POLR3B: variants seen among roughly 807,000 people sequenced by gnomAD.
POLR3B encodes RNA polymerase III subunit B, also known as DNA-directed RNA polymerase III subunit RPC2.
Under a neutral mutation model 147.4 loss-of-function variants are expected in POLR3B, and 96 were observed. The observed-to-expected ratio is 0.65, with a 90% CI of 0.55 to 0.77. The LOEUF is 0.77. Among genes scored for constraint, POLR3B ranks in the 30% least tolerant of loss-of-function variants. The pLI, the probability that POLR3B is intolerant of heterozygous loss-of-function variation, is 0.00. For missense variants in POLR3B, 1,036 were observed against 1,413.5 expected (o/e 0.73, Z 4.28); for synonymous variants, 461 against 485.9 (o/e 0.95, Z 0.67).
At chr12:106,376,877 A>G (rs1239455638) in intron 7 of POLR3B, among the ~76,000 whole-genome samples, 1 of 152,226 alleles carries the variant, frequency 6.6e-6, no homozygotes, top group African/African-American at 2.4e-5. Flanking sequence ...TGCTGGGATT[A>G]CAGGCGTGAA....
chr12:106,432,946 C>T (rs1408052909), intron 15 of POLR3B, among the ~76,000 whole-genome samples: 1 of 152,196 alleles, frequency 6.6e-6, no homozygotes, highest in African/African-American at 2.4e-5. Context: ...ATACCTCTTC[C>T]CGTCTCCTTC....
chr12:106,417,313 G>A (rs1165782350), intron 12 of POLR3B, among the ~76,000 whole-genome samples: 1 of 152,208 alleles, frequency 6.6e-6, no homozygotes, highest in Non-Finnish European at 1.5e-5. Context: ...GAGGGTCAGT[G>A]TGGCTGGAGT....
intron 11 of POLR3B, among the ~76,000 whole-genome samples, chr12:106,410,054 G>A (rs1282023377): frequency 6.6e-6 from 1 of 152,114 alleles, no homozygotes; most frequent in Non-Finnish European, 1.5e-5. Flanking sequence ...TCATTCATTC[G>A]GCAGTTATTT....
chr12:106,393,668 G>A (rs1319060344), intron 10 of POLR3B, among the ~76,000 whole-genome samples: 1 of 151,590 alleles, frequency 6.6e-6, no homozygotes, highest in Non-Finnish European at 1.5e-5. Context: ...CCCAGGATCA[G>A]TCCCTTTTAC....
chr12:106,509,698 A>G lies in POLR3B; in HGVS notation c.*149A>G, dbSNP rs989739455. On this transcript the variant is annotated 3_prime_UTR_variant, in exon 28 of 28. Coordinates refer to ENST00000228347, the MANE Select transcript of POLR3B (RefSeq NM_018082.6). ...CCAAAAAAAAATGGAGAGGCTTTTT[A>G]TATACTCTAAGACTGGCTAAACAAC... 1 of 697,824 alleles carries G rather than the reference A, an allele frequency of 1.4e-6. No homozygotes were observed. The highest frequency in any genetic ancestry group is 1.8e-5 in the African/African-American group (1 of 56,566). The allele number at this position is 697,824 out of a possible 1,614,324, so 43.2% of individuals were successfully genotyped here.
chr12:106,410,847 G>A lies in POLR3B; in HGVS notation c.988G>A (p.Ala330Thr). ...HVPVKEFNFRAKCIYTAVMVR... is the reference protein window; with the variant it reads ...HVPVKEFNFRTKCIYTAVMVR... ...ACAGGTTAAGGAATTCAATTTCCGA[G>A]CCAAATGTATCTATACTGCAGTGAT... Residue 330 changes from alanine to threonine, a missense_variant, in exon 12 of 28, where the codon GCC (alanine) becomes ACC (threonine). Ala to Thr is a moderately conservative substitution (Grantham distance 58, BLOSUM62 0). Around this residue, in one of 12 missense-constraint regions of POLR3B, gnomAD observed 217 missense variants for 288.7 expected, o/e 0.75. Transcript: ENST00000228347. 2 of 1,613,970 alleles carry A rather than the reference G, an allele frequency of 1.2e-6. No homozygotes were observed. The highest frequency in any genetic ancestry group is 1.1e-5 in the South Asian group (1 of 91,076).
intron 23 of POLR3B, among the ~76,000 whole-genome samples, chr12:106,472,501 T>G (rs2038107496): frequency 6.7e-6 from 1 of 150,346 alleles, no homozygotes; most frequent in Admixed American, 6.6e-5. Flanking sequence ...TGTTCCTATT[T>G]CTTCACATCC....
rs1420763793 is a variant in POLR3B, at chr12:106,425,654, A to G, written c.1102-1543A>G. ...GGTTTTCTCCTCACTGCAGCCTTTC[A>G]TGAGCACTCCACAGAAAGGAACTTG... On this transcript the variant is annotated intron_variant, in intron 12 of 27. Coordinates refer to ENST00000228347, the MANE Select transcript of POLR3B (RefSeq NM_018082.6). 2.0e-5 allele frequency among the ~76,000 whole-genome samples: 3 copies of G among 152,296 alleles called. No individual in the cohort carries two copies. In the East Asian group the frequency reaches 5.8e-4, roughly 29 times the overall value.
At chr12:106,371,882 A>G (rs1211569897) in intron 6 of POLR3B, among the ~76,000 whole-genome samples, 4 of 151,836 alleles carry the variant, frequency 2.6e-5, no homozygotes, top group Non-Finnish European at 4.4e-5. Flanking sequence ...TGGCACATGT[A>G]TACATATGTA....
At chr12:106,436,080 G>A (rs1271588671) in intron 16 of POLR3B, among the ~76,000 whole-genome samples, 1 of 152,140 alleles carries the variant, frequency 6.6e-6, no homozygotes, top group Non-Finnish European at 1.5e-5. Flanking sequence ...TCGAGGTACT[G>A]TGGATTTCCA....
rs373360026 is a variant in POLR3B, at chr12:106,383,492, T to G, written c.723+3353T>G. On this transcript the variant is annotated intron_variant, in intron 9 of 27. Transcript: ENST00000228347. ...TTTTACTTGCACACTTAAGAAGCCA[T>G]TCTTGGGTTATTAATTGACCTAATT... 1.1e-3 allele frequency among the ~76,000 whole-genome samples: 161 copies of G among 152,118 alleles called. 4 individuals are homozygous for G. In the East Asian group the frequency reaches 0.017, roughly 16 times the overall value.
In POLR3B at chr12:106,471,726, A is replaced by C. The variant is rs561612591; in HGVS notation, c.2713+8106A>C. Reference sequence around the variant, plus strand: ...TAGTTAATAGGTGAATTCACAATGTATATGAATGAATGAGTGAATGAAATT... The same window carrying C: ...TAGTTAATAGGTGAATTCACAATGTCTATGAATGAATGAGTGAATGAAATT... On this transcript the variant is annotated intron_variant, in intron 23 of 27. Coordinates refer to ENST00000228347, the MANE Select transcript of POLR3B (RefSeq NM_018082.6). Among the ~76,000 whole-genome samples, 3 of 152,276 alleles carry C rather than the reference A, an allele frequency of 2.0e-5. No individual in the cohort carries two copies. In the East Asian group the frequency reaches 5.8e-4, roughly 29 times the overall value.
chr12:106,447,326 C>T (rs1476181202), intron 19 of POLR3B, among the ~76,000 whole-genome samples: 4 of 152,132 alleles, frequency 2.6e-5, no homozygotes, highest in Non-Finnish European at 5.9e-5. Context: ...CCAAGGCCAG[C>T]ACAAACCACA....
At chr12:106,426,222 T>TTGTGTGTGTG (rs35090518) in intron 12 of POLR3B, among the ~76,000 whole-genome samples, 1,772 of 131,176 alleles carry the variant, frequency 0.014, 16 homozygotes, top group Middle Eastern at 0.026. Flanking sequence ...GGCCTGCAAT[T>TTGTGTGTGTG]TGTGTGTGTG....
At chr12:106,450,848 A>C (rs1244735793) in intron 19 of POLR3B, among the ~76,000 whole-genome samples, 1 of 152,196 alleles carries the variant, frequency 6.6e-6, no homozygotes, top group African/African-American at 2.4e-5. Flanking sequence ...TAGGTATTAA[A>C]TATTTACCCA....
chr12:106,377,772 T>C (rs1284244880), intron 7 of POLR3B, among the ~76,000 whole-genome samples: 1 of 152,206 alleles, frequency 6.6e-6, no homozygotes, highest in African/African-American at 2.4e-5. Flanking sequence ...AGCTCATTTG[T>C]ATAAAATCAC....
chr12:106,490,823 A>G (rs2038397470), intron 23 of POLR3B, among the ~76,000 whole-genome samples: 1 of 152,224 alleles, frequency 6.6e-6, no homozygotes, highest in Non-Finnish European at 1.5e-5. Flanking sequence ...CTTAATAGGA[A>G]CAGTCAAACT....
rs1361942575 is a variant in POLR3B at position 106,504,211 on chromosome 12, G to A, written c.3229G>A (p.Val1077Ile). 1.2e-6 allele frequency: 2 copies of A among 1,614,156 alleles called. No individual in the cohort carries two copies. Among genetic ancestry groups the A allele is most frequent in the Admixed American group, 3.3e-5 (2 of 60,030 alleles). ...AATGATTTCAAGTGATGCCTTTGAG[G>A]TTGATGTCTGTGGGCAGTGTGGACT... ...RLMISSDAFE[V>I]DVCGQCGLLG... Residue 1077 changes from valine (V) to isoleucine (I), a missense_variant, in exon 27 of 28, where the codon GTT (valine) becomes ATT (isoleucine). Physicochemically the swap from Val to Ile is conservative, Grantham distance 29. Transcript: ENST00000228347. This position sits in a 1 kb window ranked among gnomAD's most constrained non-coding sequence, Gnocchi z 4.6.
chr12:106,397,832 A>C (rs550732274), intron 10 of POLR3B, among the ~76,000 whole-genome samples: 2 of 152,212 alleles, frequency 1.3e-5, no homozygotes, highest in African/African-American at 4.8e-5. Context: ...TTCATTTCTC[A>C]TGAATGTGTA....
Sources: allele counts gnomAD v4.1 joint callset (sites outside exome capture counted in the v4.1 genomes callset), GRCh38; gene constraint gnomAD v4.1.1; regional missense constraint gnomAD v4.1.1; non-coding constraint Gnocchi (gnomAD v3.1); transcripts MANE v1.5; gene names NCBI Gene and HGNC (gene_info 2026-07-23, HGNC 2026-07-21).